The following EPHA3 variants were observed in gnomAD, a reference collection of about 807,000 sequenced individuals.
The protein encoded by EPHA3 is ephrin type-A receptor 3.
A neutral mutation model predicts 107.1 loss-of-function variants in EPHA3; 42 were observed. The observed-to-expected ratio is 0.39, with a 90% confidence interval of 0.31 to 0.51. The LOEUF is 0.51. Among genes scored for constraint, EPHA3 ranks in the 20% least tolerant of loss-of-function variants. The pLI is 0.78. For synonymous variants in EPHA3, 461 were observed against 424.8 expected, an observed-to-expected ratio of 1.09 and a Z score of -1.05; for missense variants, 1,183 against 1,211.2, an observed-to-expected ratio of 0.98 and a Z score of 0.35.
intron 5 of EPHA3, among the ~76,000 whole-genome samples, chr3:89,387,850 A>AT: frequency 6.6e-6 from 1 of 152,264 alleles, no homozygotes; most frequent in Middle Eastern, 3.4e-3. Flanking sequence ...TGAGAAAAGG[A>AT]TAAGATTATA....
At chr3:89,315,073 T>C (rs546852159) in intron 3 of EPHA3, among the ~76,000 whole-genome samples, 322 of 151,904 alleles carry the variant, frequency 2.1e-3, no homozygotes, top group African/African-American at 7.3e-3. Flanking sequence ...ATAGAAAAGG[T>C]ATAGTAAAAA....
intron 3 of EPHA3, among the ~76,000 whole-genome samples, chr3:89,300,462 C>A (rs1186646452): frequency 2.6e-5 from 4 of 151,768 alleles, no homozygotes; most frequent in Non-Finnish European, 5.9e-5. Flanking sequence ...CACAGACATA[C>A]AAATAAACAC....
chr3:89,156,914 A>G (rs958087175), intron 2 of EPHA3, among the ~76,000 whole-genome samples: 1 of 151,802 alleles, frequency 6.6e-6, no homozygotes, highest in African/African-American at 2.4e-5. Flanking sequence ...AACTAAGGGC[A>G]GCCAGATGGC....
intron 3 of EPHA3, among the ~76,000 whole-genome samples, chr3:89,231,431 A>G (rs1704632198): frequency 6.6e-6 from 1 of 152,172 alleles, no homozygotes; most frequent in African/African-American, 2.4e-5. Context: ...TTAAATACCT[A>G]ATTTAGAGAG....
intron 2 of EPHA3, among the ~76,000 whole-genome samples, chr3:89,188,308 G>T (rs1288021361): frequency 6.6e-6 from 1 of 152,164 alleles, no homozygotes; most frequent in Non-Finnish European, 1.5e-5. Context: ...CTGTGGCTCA[G>T]TCGTCAACCG....
chr3:89,280,640 G>A (rs1268414231), intron 3 of EPHA3, among the ~76,000 whole-genome samples: 1 of 152,042 alleles, frequency 6.6e-6, no homozygotes, highest in Non-Finnish European at 1.5e-5. Flanking sequence ...GGTACTCAAA[G>A]GCATCTGCAC....
At chr3:89,383,954 C>G (rs903924506) in intron 5 of EPHA3, among the ~76,000 whole-genome samples, 9 of 151,954 alleles carry the variant, frequency 5.9e-5, no homozygotes, top group Admixed American at 3.3e-4. Context: ...AGCCAGTCAG[C>G]CAATTTCTAA....
chr3:89,317,065 T>C (rs1440327748), intron 3 of EPHA3, among the ~76,000 whole-genome samples: 1 of 151,822 alleles, frequency 6.6e-6, no homozygotes, highest in Non-Finnish European at 1.5e-5. Context: ...GCCCTCCTTT[T>C]TAAAATCTAC....
chr3:89,371,635 T>G (rs577740684), intron 5 of EPHA3, among the ~76,000 whole-genome samples: 2 of 151,686 alleles, frequency 1.3e-5, no homozygotes, highest in African/African-American at 4.8e-5. Context: ...ACATTTAGAT[T>G]GTTTAAGGGA....
intron 2 of EPHA3, among the ~76,000 whole-genome samples, chr3:89,169,655 C>T (rs1441718156): frequency 1.3e-5 from 2 of 152,084 alleles, no homozygotes; most frequent in Non-Finnish European, 2.9e-5. Context: ...CAAAATTGTG[C>T]CTATGACCTT....
chr3:89,381,770 G>A (rs776545648), intron 5 of EPHA3, among the ~76,000 whole-genome samples: 2 of 152,114 alleles, frequency 1.3e-5, no homozygotes. Flanking sequence ...TATAATGAAG[G>A]CTCCATAGAG....
At chr3:89,311,175 C>T (rs918213250) in intron 3 of EPHA3, among the ~76,000 whole-genome samples, 50 of 151,708 alleles carry the variant, frequency 3.3e-4, no homozygotes, top group African/African-American at 1.1e-3. Context: ...TATATGATGC[C>T]CCTCCCTATG....
At chr3:89,109,175 T>C (rs954396370) in intron 1 of EPHA3, among the ~76,000 whole-genome samples, 2 of 152,058 alleles carry the variant, frequency 1.3e-5, no homozygotes, top group African/African-American at 4.8e-5. Context: ...TGAATCTTTT[T>C]TCTAAATAAG....
intron 15 of EPHA3, among the ~76,000 whole-genome samples, chr3:89,469,918 C>T (rs1348111087): frequency 1.3e-5 from 2 of 152,076 alleles, no homozygotes. Flanking sequence ...ACAGACTTCA[C>T]TTAGACTAAT....
chr3:89,226,285 G>A (rs1704502229), intron 3 of EPHA3, among the ~76,000 whole-genome samples: 1 of 152,088 alleles, frequency 6.6e-6, no homozygotes, highest in Non-Finnish European at 1.5e-5. Context: ...CTCCTTAGTA[G>A]TGTCATTGAG....
intron 1 of EPHA3, among the ~76,000 whole-genome samples, chr3:89,120,925 T>C (rs1707363644): frequency 6.6e-6 from 1 of 152,208 alleles, no homozygotes; most frequent in Non-Finnish European, 1.5e-5. Flanking sequence ...ATAGCAATGT[T>C]TAACATGGCA....
At chr3:89,117,779 C>A (rs951827803) in intron 1 of EPHA3, among the ~76,000 whole-genome samples, 1 of 152,024 alleles carries the variant, frequency 6.6e-6, no homozygotes, top group African/African-American at 2.4e-5. Flanking sequence ...TTGTCACTAT[C>A]TAATCTTGTT....
At chr3:89,239,601 A>G (rs1021400415) in intron 3 of EPHA3, among the ~76,000 whole-genome samples, 14 of 152,242 alleles carry the variant, frequency 9.2e-5, no homozygotes, top group African/African-American at 3.4e-4. Context: ...ATTTTAAAAA[A>G]TCAACTAGGC....
intron 3 of EPHA3, 82 bp from the exon 4 acceptor site, chr3:89,340,834 T>C (rs1707501598): frequency 5.3e-6 from 7 of 1,312,348 alleles, no homozygotes; most frequent in Non-Finnish European, 7.0e-6. Context: ...AATAAATTCA[T>C]ATTCGAACTT....
Sources: gnomAD v4.1 joint callset for allele counts (sites outside exome capture counted in the v4.1 genomes callset) on GRCh38, gnomAD v4.1.1 for gene constraint, MANE v1.5 for transcripts, NCBI Gene and HGNC (gene_info 2026-07-23, HGNC 2026-07-21) for gene names.